TRRAP: variants seen among roughly 807,000 people sequenced by gnomAD.
TRRAP encodes the protein transformation/transcription domain-associated protein.
TRRAP carries 41 observed loss-of-function variants against 438.8 expected under a neutral mutation model. The observed-to-expected ratio is 0.09, with a 90% CI of 0.07 to 0.12. The LOEUF (loss-of-function observed/expected upper bound fraction) is 0.12, where lower values mean the gene tolerates loss of function less well. Ranked by LOEUF, TRRAP falls within the 10% of genes least tolerant of loss-of-function variation. TRRAP has a pLI of 1.00. For missense variants in TRRAP, 3,122 were observed against 5,055.1 expected, an observed-to-expected ratio of 0.62 and a Z score of 11.60; for synonymous variants, 1,994 against 1,962.9, an observed-to-expected ratio of 1.02 and a Z score of -0.42.
At chr7:98,973,658 G>A (rs1045599742) in intron 53 of TRRAP, among the ~76,000 whole-genome samples, 1 of 152,138 alleles carries the variant, frequency 6.6e-6, no homozygotes, top group African/African-American at 2.4e-5. Flanking sequence ...CTTGATCTGA[G>A]GCTTCATAGC....
intron 64 of TRRAP, among the ~76,000 whole-genome samples, chr7:98,991,576 C>T (rs1444162651): frequency 2.0e-5 from 3 of 152,226 alleles, no homozygotes; most frequent in Non-Finnish European, 4.4e-5. Flanking sequence ...TTATTCCTTT[C>T]TTCCTTTCAT....
intron 18 of TRRAP, among the ~76,000 whole-genome samples, chr7:98,913,543 C>T (rs1789378512): frequency 6.6e-6 from 1 of 152,130 alleles, no homozygotes; most frequent in Admixed American, 6.6e-5. Flanking sequence ...CTGCCTTGGC[C>T]TCTCAAAGTG....
Position 98,949,444 on chromosome 7 carries a change from C to T in TRRAP, c.4816C>T (p.Pro1606Ser). 6.3e-7 allele frequency: 1 copy of T among 1,592,884 alleles called. No individual in the cohort carries two copies. ...TTTTTTAAAACACAAAGACGCCAGACCTCTGCGGGATGTGCTGGCTGCCAA... is the reference window on the plus strand; with the variant it reads ...TTTTTTAAAACACAAAGACGCCAGATCTCTGCGGGATGTGCTGGCTGCCAA... ...MSFLKHKDARPLRDVLAANPN... is the reference protein window; with the variant it reads ...MSFLKHKDARSLRDVLAANPN... The change falls in exon 36 of 73, where the codon CCT becomes TCT. Residue 1606 changes from proline to serine, a missense_variant. Physicochemically the swap from Pro to Ser is moderately conservative, Grantham distance 74 (BLOSUM62 -1). Transcript: ENST00000456197.
At chr7:99,000,992 C>T (rs893534545) in intron 67 of TRRAP, among the ~76,000 whole-genome samples, 4 of 152,228 alleles carry the variant, frequency 2.6e-5, no homozygotes, top group African/African-American at 9.7e-5. Flanking sequence ...AAATCGTAGA[C>T]TAAGTGGTTC....
chr7:98,945,896 CT>C, intron 32 of TRRAP, 33 bp from the exon 33 acceptor site: 6 of 1,555,050 alleles, frequency 3.9e-6, no homozygotes, highest in East Asian at 2.3e-5. Context: ...TTTCTGTTGC[CT>C]TTTTTCATGC....
rs1794476772 is a variant in TRRAP, at chr7:99,012,593, A to G, written c.*238A>G. 1 of 548,348 alleles carries G rather than the reference A, an allele frequency of 1.8e-6. No homozygotes were observed. Among genetic ancestry groups the G allele is most frequent in the Non-Finnish European group, 3.1e-6 (1 of 318,382 alleles). 34.0% of individuals were successfully genotyped at this position (548,348 alleles called of 1,614,324 possible). ...AATGGCAGAGCTGAAACTTATTCCA[A>G]GCTTTCAAAATAATCTTTTAAGAAG... On this transcript the variant is annotated 3_prime_UTR_variant, in exon 73 of 73. Coordinates refer to ENST00000456197, the MANE Select transcript of TRRAP (RefSeq NM_001375524.1). This position sits in a 1 kb window ranked among gnomAD's most constrained non-coding sequence, Gnocchi z 5.9.
At position 98,908,695 on chromosome 7, in the gene TRRAP, G is replaced by A; in HGVS notation, c.1116-33G>A. ...CTGCTGCAGCAGGCATGGCCACGTGGGAATGAGCACTAGTCGAGGTCTCTG... is the reference window on the plus strand; with the variant it reads ...CTGCTGCAGCAGGCATGGCCACGTGAGAATGAGCACTAGTCGAGGTCTCTG... On this transcript the variant is annotated intron_variant, in intron 13 of 72. Coordinates refer to ENST00000456197, the MANE Select transcript of TRRAP (RefSeq NM_001375524.1). The surrounding 1 kb of genome is among the most constrained non-coding windows in gnomAD (Gnocchi z 4.1). 2.0e-6 allele frequency: 3 copies of A among 1,532,822 alleles called. No homozygotes were observed. The highest frequency in any genetic ancestry group is 2.7e-5 in the African/African-American group (2 of 72,974). The allele number at this position is 1,532,822 out of a possible 1,614,324, so 95.0% of individuals were successfully genotyped here. A position where few individuals can be genotyped will look rare whatever the true frequency, so the allele number is the denominator to read the frequency against.
At position 98,984,237 on chromosome 7, in the gene TRRAP, T is replaced by C; in HGVS notation, c.9167T>C (p.Ile3056Thr). The C allele has an allele frequency of 6.2e-7, 1 of 1,614,118 alleles. No homozygotes were observed. The highest frequency in any genetic ancestry group is 8.5e-7 in the Non-Finnish European group (1 of 1,179,996). The part of the protein sequence containing the change: ...KQGLVNVALD[I>T]LSRIHTIPTV... ...GGACTGGTCAATGTAGCTCTGGATATATTAAGTCGGATTCATACTATTCCA... is the reference window on the plus strand; with the variant it reads ...GGACTGGTCAATGTAGCTCTGGATACATTAAGTCGGATTCATACTATTCCA... Residue 3056 changes from isoleucine to threonine, a missense_variant, in exon 61 of 73, where the codon ATA (isoleucine) becomes ACA (threonine). Physicochemically the swap from Ile to Thr is moderately conservative, Grantham distance 89. Around this residue, in one of 24 missense-constraint regions of TRRAP, gnomAD observed 129 missense variants for 279.2 expected, o/e 0.46. Coordinates refer to ENST00000456197, the MANE Select transcript of TRRAP (RefSeq NM_001375524.1).
At chr7:98,978,131 GTTCT>G in intron 56 of TRRAP, 76 bp from the exon 57 acceptor site, 1 of 1,324,618 alleles carries the variant, frequency 7.5e-7, no homozygotes, top group Non-Finnish European at 1.1e-6. Context: ...AAAAAACTTA[GTTCT>G]AAGTTTTAAA....
At chr7:98,978,120 C>CA in intron 56 of TRRAP, 91 bp from the exon 57 acceptor site, 1 of 1,207,746 alleles carries the variant, frequency 8.3e-7, no homozygotes, top group Non-Finnish European at 1.2e-6. Context: ...AACCTCATCT[C>CA]AAAAAACTTA....
At position 98,893,956 on chromosome 7, in the gene TRRAP, C is replaced by CA. The variant is rs1353381215; in HGVS notation, c.450+78dup. On this transcript the variant is annotated intron_variant, in intron 6 of 72. Transcript: ENST00000456197. The stretch of plus-strand genomic sequence containing the variant: ...CCTTCTGTGAAATTTTTTGCTGTCT[C>CA]AAAGTTGGCTGAACACATACTGTTT... The CA allele has an allele frequency of 1.2e-5, 17 of 1,423,018 alleles. No homozygotes were observed. In the East Asian group the frequency reaches 3.7e-4, roughly 31 times the overall value. The allele number at this position is 1,423,018 out of a possible 1,614,324, so 88.1% of individuals were successfully genotyped here. A position where few individuals can be genotyped will look rare whatever the true frequency, so the allele number is the denominator to read the frequency against.
Position 98,958,098 on chromosome 7 carries a change from G to C in TRRAP, c.6342+7G>C. 6.2e-7 allele frequency: 1 copy of C among 1,613,120 alleles called. No individual in the cohort carries two copies. Among genetic ancestry groups the C allele is most frequent in the South Asian group, 1.1e-5 (1 of 90,878 alleles). ...TATCCGCGTGGCCTGTCAGGTACGG[G>C]ATCCAAGTGCCCTGCGTTAGGGCTT... On this transcript the variant is annotated splice_region_variant and intron_variant, in intron 44 of 72. Transcript: ENST00000456197.
rs574598553 is a variant in TRRAP at position 99,004,584 on chromosome 7, G to A, written c.10535+169G>A. ...AGTGGTCAGGCACTTTACAAGTTCT[G>A]CCCGCGCTGACTGGTTAGCTGTCCT... On this transcript the variant is annotated intron_variant, in intron 68 of 72. Transcript: ENST00000456197. 3.3e-5 allele frequency among the ~76,000 whole-genome samples: 5 copies of A among 152,304 alleles called. No individual in the cohort carries two copies. The East Asian group carries it at 9.7e-4, about 29-fold the overall frequency.
At position 98,908,153 on chromosome 7, in the gene TRRAP, T is replaced by C. The variant is rs1412366550; in HGVS notation, c.1116-575T>C. On this transcript the variant is annotated intron_variant, in intron 13 of 72. Coordinates refer to ENST00000456197, the MANE Select transcript of TRRAP (RefSeq NM_001375524.1). This position sits in a 1 kb window ranked among gnomAD's most constrained non-coding sequence, Gnocchi z 4.1. Reference sequence around the variant, plus strand: ...CACTCATCTTTCTCATGTGCCCTTTTCACATCCCCGCTAGCACTTACTAAC... The same window carrying C: ...CACTCATCTTTCTCATGTGCCCTTTCCACATCCCCGCTAGCACTTACTAAC... Among the ~76,000 whole-genome samples, 1 of 152,224 alleles carries C rather than the reference T, an allele frequency of 6.6e-6. No homozygotes were observed. Among genetic ancestry groups the C allele is most frequent in the Non-Finnish European group, 1.5e-5 (1 of 68,036 alleles).
chr7:98,923,655 G>A (rs61239201), intron 21 of TRRAP, among the ~76,000 whole-genome samples: 22,437 of 152,184 alleles, frequency 0.15, 5,197 homozygotes, highest in African/African-American at 0.5. Context: ...CCCTCGAAGA[G>A]CACGGACACT....
intron 3 of TRRAP, among the ~76,000 whole-genome samples, chr7:98,883,168 A>G (rs1429450540): frequency 2.0e-5 from 3 of 152,040 alleles, no homozygotes; most frequent in African/African-American, 7.2e-5. Context: ...ATTTTTCTTC[A>G]GTCTTTTTTC....
At chr7:98,892,656 A>G (rs1796026934) in intron 5 of TRRAP, 128 bp downstream of exon 5, 1 of 709,932 alleles carries the variant, frequency 1.4e-6, no homozygotes, top group Admixed American at 3.5e-5. Flanking sequence ...CATGAGTAAA[A>G]ATTTTTCTTA....
At position 98,931,449 on chromosome 7, in the gene TRRAP, G is replaced by C. The variant is rs373369216; in HGVS notation, c.3636G>C (p.Gln1212His). 64 of 1,614,052 alleles carry C rather than the reference G, an allele frequency of 4.0e-5. 1 individual carries two copies. Among genetic ancestry groups the C allele is most frequent in the East Asian group, 3.1e-4 (14 of 44,896 alleles). ...AVAMAKTTLEQLLMRCATPLK... is the reference protein window; with the variant it reads ...AVAMAKTTLEHLLMRCATPLK... The stretch of plus-strand genomic sequence containing the variant: ...CTATGGCAAAGACCACGCTGGAGCA[G>C]CTTCTGATGCGGTGCGCAACGCCTT... The change falls in exon 26 of 73, where the codon CAG becomes CAC. Residue 1212 changes from glutamine to histidine, a missense_variant. By Grantham distance (24) the Gln-to-His change is conservative (BLOSUM62 0). Around this residue, in one of 24 missense-constraint regions of TRRAP, gnomAD observed 153 missense variants for 223.0 expected, o/e 0.69. Coordinates refer to ENST00000456197, the MANE Select transcript of TRRAP (RefSeq NM_001375524.1).
rs1793525523 is a variant in TRRAP at position 98,993,693 on chromosome 7, A to G, written c.10003A>G (p.Ile3335Val). 1.2e-6 allele frequency: 2 copies of G among 1,614,118 alleles called. No individual in the cohort carries two copies. Among genetic ancestry groups the G allele is most frequent in the African/African-American group, 2.7e-5 (2 of 74,942 alleles). ...CACCCTTCTGTCTTCCCTGGAAGGC[A>G]TCGTCGATCAGATGGTCTGGTTCAG... ...HPTLLSSLEG[I>V]VDQMVWFREN... Residue 3335 changes from isoleucine to valine, a missense_variant, in exon 66 of 73, where the codon ATC becomes GTC. Coordinates refer to ENST00000456197, the MANE Select transcript of TRRAP (RefSeq NM_001375524.1).
Sources: allele counts gnomAD v4.1 joint callset (sites outside exome capture counted in the v4.1 genomes callset), GRCh38; gene constraint gnomAD v4.1.1; regional missense constraint gnomAD v4.1.1; non-coding constraint Gnocchi (gnomAD v3.1); transcripts MANE v1.5; gene names NCBI Gene and HGNC (gene_info 2026-07-23, HGNC 2026-07-21).